The following ARCN1 variants were observed in gnomAD, a reference collection of about 807,000 sequenced individuals.
ARCN1 encodes coatomer subunit delta.
In ARCN1, 5 loss-of-function variants were observed where a neutral mutation model predicts 60.4. The observed-to-expected ratio is 0.08, with a 90% CI of 0.04 to 0.17. ARCN1 has a LOEUF of 0.17. Ranked by LOEUF, ARCN1 falls within the 10% of genes least tolerant of loss-of-function variation. The pLI is 1.00. For missense variants in ARCN1, 464 were observed against 626.5 expected (o/e 0.74, Z 2.77); for synonymous variants, 224 against 220.0 (o/e 1.02, Z -0.16).
Position 118,602,052 on chromosome 11 carries a change from G to A in ARCN1, c.*1338G>A. ...AAATGGGGTTATGATTTTGAAGGCT[G>A]TGGGTTCAGGGAGTCTTTGCCAATC... On this transcript the variant is annotated 3_prime_UTR_variant, in exon 10 of 10. Transcript: ENST00000264028. The A allele has an allele frequency of 3.3e-6, 1 of 302,798 alleles. No individual in the cohort carries two copies. Among genetic ancestry groups the A allele is most frequent in the Non-Finnish European group, 6.2e-6 (1 of 161,470 alleles). 18.8% of individuals were successfully genotyped at this position (302,798 alleles called of 1,614,324 possible). A position where few individuals can be genotyped will look rare whatever the true frequency, so the allele number is the denominator to read the frequency against.
intron 2 of ARCN1, 27 bp from the exon 3 acceptor site, chr11:118,583,152 T>A: frequency 6.2e-7 from 1 of 1,610,306 alleles, no homozygotes; most frequent in Non-Finnish European, 8.5e-7. Context: ...TTCTAAATCT[T>A]TCTTTTTTAT....
At chr11:118,574,915 C>T (rs1448185020) in intron 1 of ARCN1, among the ~76,000 whole-genome samples, 2 of 151,960 alleles carry the variant, frequency 1.3e-5, no homozygotes, top group African/African-American at 2.4e-5. Flanking sequence ...TGTAGGCATG[C>T]GGGCCTTGAT....
At chr11:118,581,603 T>C in intron 2 of ARCN1, 94 bp downstream of exon 2, 2 of 1,372,794 alleles carry the variant, frequency 1.5e-6, no homozygotes, top group South Asian at 2.8e-5. Flanking sequence ...CTAACCAGTT[T>C]GCAGGTTCCT....
intron 3 of ARCN1, 130 bp from the exon 4 acceptor site, chr11:118,583,679 G>A (rs1938710616): frequency 2.1e-6 from 2 of 945,040 alleles, no homozygotes; most frequent in Non-Finnish European, 3.2e-6. Flanking sequence ...GATCACTTGA[G>A]CCCAGGAAGT....
intron 5 of ARCN1, among the ~76,000 whole-genome samples, chr11:118,587,242 A>T (rs1565362570): frequency 6.6e-6 from 1 of 152,232 alleles, no homozygotes; most frequent in Non-Finnish European, 1.5e-5. Flanking sequence ...AGTTGTTAAC[A>T]GTCAGAAGTC....
chr11:118,572,681 C>G, intron 1 of ARCN1, 131 bp downstream of exon 1: 1 of 1,222,056 alleles, frequency 8.2e-7, no homozygotes, highest in Non-Finnish European at 1.2e-6. Flanking sequence ...GCTCCGGGCT[C>G]GGGGAGCAGT....
chr11:118,589,439 T>C (rs1400836551), intron 5 of ARCN1, among the ~76,000 whole-genome samples: 1 of 152,196 alleles, frequency 6.6e-6, no homozygotes, highest in Non-Finnish European at 1.5e-5. Flanking sequence ...TTTTATTTTT[T>C]ATTTTTTTGA....
intron 3 of ARCN1, among the ~76,000 whole-genome samples, 153 bp downstream of exon 3, chr11:118,583,511 T>C (rs1407130390): frequency 1.3e-5 from 2 of 152,150 alleles, no homozygotes; most frequent in Non-Finnish European, 2.9e-5. Context: ...CTCAGCACTT[T>C]GGGAGGCGGA....
chr11:118,591,761 GTCTC>G (rs1210011875), intron 6 of ARCN1, among the ~76,000 whole-genome samples: 1 of 147,126 alleles, frequency 6.8e-6, no homozygotes, highest in Non-Finnish European at 1.5e-5. Flanking sequence ...TTTTTGCACA[GTCTC>G]TCTCTGTCAT....
chr11:118,596,818 C>T (rs1422444562), intron 8 of ARCN1, among the ~76,000 whole-genome samples: 1 of 152,180 alleles, frequency 6.6e-6, no homozygotes, highest in South Asian at 2.1e-4. Context: ...GGTAATTGTG[C>T]TTTCACTTAT....
Position 118,583,941 on chromosome 11 carries a change from G to A in ARCN1, c.580G>A (p.Gly194Ser), listed in dbSNP as rs1555075059. 3.1e-6 allele frequency: 5 copies of A among 1,614,218 alleles called. No homozygotes were observed. The South Asian group carries it at 4.4e-5, about 14-fold the overall frequency. ...GGFGSSAVSGGSTAAMITETI... is the reference protein window; with the variant it reads ...GGFGSSAVSGSSTAAMITETI... ...ATTTGGCAGCTCTGCAGTATCTGGAGGCAGCACAGCTGCCATGATCACAGA... is the reference window on the plus strand; with the variant it reads ...ATTTGGCAGCTCTGCAGTATCTGGAAGCAGCACAGCTGCCATGATCACAGA... The change falls in exon 4 of 10, where the codon GGC becomes AGC. Residue 194 changes from glycine to serine, a missense_variant. Coordinates refer to ENST00000264028, the MANE Select transcript of ARCN1 (RefSeq NM_001655.5).
At chr11:118,591,217 A>G (rs1555076274) in intron 6 of ARCN1, among the ~76,000 whole-genome samples, 1 of 152,162 alleles carries the variant, frequency 6.6e-6, no homozygotes, top group African/African-American at 2.4e-5. Flanking sequence ...TTGTAATTTC[A>G]TTTCATTTAG....
At chr11:118,572,704 G>C in intron 1 of ARCN1, 154 bp downstream of exon 1, 2 of 869,516 alleles carry the variant, frequency 2.3e-6, no homozygotes, top group Non-Finnish European at 3.5e-6. Context: ...GGCCTCCTGT[G>C]CCCGGTCTCC....
At chr11:118,594,862 A>ATTT (rs1452555361) in intron 8 of ARCN1, among the ~76,000 whole-genome samples, 1 of 138,308 alleles carries the variant, frequency 7.2e-6, no homozygotes, top group African/African-American at 2.8e-5. Flanking sequence ...TTTTATTTTT[A>ATTT]TTTTTTTGAG....
intron 1 of ARCN1, among the ~76,000 whole-genome samples, chr11:118,579,322 T>C (rs1441467560): frequency 6.6e-6 from 1 of 152,080 alleles, no homozygotes; most frequent in African/African-American, 2.4e-5. Context: ...TTCCCTACTT[T>C]TCTGATGAAA....
intron 5 of ARCN1, among the ~76,000 whole-genome samples, chr11:118,585,529 G>T (rs1321638089): frequency 1.3e-5 from 2 of 151,918 alleles, no homozygotes; most frequent in African/African-American, 2.4e-5. Context: ...AATATATTTT[G>T]CATTTTTATT....
Position 118,601,047 on chromosome 11 carries a change from T to TA in ARCN1, c.*333_*334insA, listed in dbSNP as rs1218221235. On this transcript the variant is annotated 3_prime_UTR_variant, in exon 10 of 10. Coordinates refer to ENST00000264028, the MANE Select transcript of ARCN1 (RefSeq NM_001655.5). Reference sequence around the variant, plus strand: ...ACCTAAGTTGCTCCTTTATTTTTATTTTATTATTATTATTATTATTATTAT... The same window carrying TA: ...ACCTAAGTTGCTCCTTTATTTTTATTATTATTATTATTATTATTATTATTAT... The TA allele has an allele frequency of 6.9e-6, 1 of 145,974 alleles. No individual in the cohort carries two copies. The highest frequency in any genetic ancestry group is 2.0e-4 in the East Asian group (1 of 5,062). The allele number at this position is 145,974 out of a possible 1,614,324, so 9.0% of individuals were successfully genotyped here. A position where few individuals can be genotyped will look rare whatever the true frequency, so the allele number is the denominator to read the frequency against.
intron 1 of ARCN1, among the ~76,000 whole-genome samples, chr11:118,574,241 A>G (rs1938429268): frequency 6.6e-6 from 1 of 152,174 alleles, no homozygotes. Context: ...TTATCTCAGT[A>G]CATTCTGCTC....
intron 1 of ARCN1, among the ~76,000 whole-genome samples, chr11:118,580,909 GAT>G (rs1938635034): frequency 2.6e-5 from 4 of 152,134 alleles, no homozygotes; most frequent in Non-Finnish European, 5.9e-5. Flanking sequence ...AAGGCAGGAG[GAT>G]CGCTTGAACC....
Sources: allele counts gnomAD v4.1 joint callset (sites outside exome capture counted in the v4.1 genomes callset), GRCh38; gene constraint gnomAD v4.1.1; transcripts MANE v1.5; gene names NCBI Gene and HGNC (gene_info 2026-07-23, HGNC 2026-07-21).